The following HENMT1 variants were observed in gnomAD, a reference collection of about 807,000 sequenced individuals.
HENMT1 encodes the protein small RNA 2'-O-methyltransferase.
A neutral mutation model predicts 31.1 loss-of-function variants in HENMT1; 27 were observed. The observed-to-expected ratio is 0.87, with a 90% CI of 0.64 to 1.20. The LOEUF (loss-of-function observed/expected upper bound fraction) is 1.20. HENMT1 is among the 50% of genes most tolerant of loss of function. HENMT1 has a pLI of 0.00. For missense variants in HENMT1, 438 were observed against 469.6 expected, an observed-to-expected ratio of 0.93 and a Z score of 0.62; for synonymous variants, 167 against 172.2, an observed-to-expected ratio of 0.97 and a Z score of 0.24.
intron 1 of HENMT1, 63 bp downstream of exon 1, chr1:108,660,900 G>T (rs974883959): frequency 5.1e-4 from 416 of 811,638 alleles, no homozygotes; most frequent in Non-Finnish European, 5.9e-4. Context: ...CTCCAGCCTG[G>T]GCGACAGAGC....
chr1:108,658,143 T>TTC lies in HENMT1; in HGVS notation c.22-565_22-564insGA, dbSNP rs1553183834. 3.1e-3 allele frequency among the ~76,000 whole-genome samples: 458 copies of TTC among 148,122 alleles called. 4 individuals carry two copies. Among genetic ancestry groups the TTC allele is most frequent in the African/African-American group, 0.011 (438 of 40,018 alleles). On this transcript the variant is annotated intron_variant, in intron 2 of 7. Transcript: ENST00000651461. ...CATATATATATATATATTTTTTTTT[T>TTC]CCCCCCAAGACGGAGTCTTGCTCTG...
At position 108,648,562 on chromosome 1, in the gene HENMT1, T is replaced by C. The variant is rs1158602752; in HGVS notation, c.*4A>G. The C allele has an allele frequency of 1.9e-6, 3 of 1,606,626 alleles. No homozygotes were observed. On this transcript the variant is annotated 3_prime_UTR_variant, in exon 8 of 8. Coordinates refer to ENST00000651461, the MANE Select transcript of HENMT1 (RefSeq NM_001102592.2). The stretch of plus-strand genomic sequence containing the variant: ...ACCCTGAAATTTCAGGAAATAAACA[T>C]GGTTCAAAACTCAAACTGTTCATCA...
Position 108,654,766 on chromosome 1 carries a change from C to T in HENMT1, c.348G>A (p.Val116=), listed in dbSNP as rs752798812. ...LTITLYHGSV[V]ERDSRLLGFD... is the part of the protein sequence containing the mutation. Reference sequence around the variant, plus strand: ...ATCCAAGCAAACGAGAGTCTCTCTCCACAACGGAGCCATGATACAATGTGA... The same window carrying T: ...ATCCAAGCAAACGAGAGTCTCTCTCTACAACGGAGCCATGATACAATGTGA... The change falls in exon 5 of 8, where the codon GTG becomes GTA. Residue 116 remains valine, a synonymous_variant. Transcript: ENST00000651461. 6.2e-7 allele frequency: 1 copy of T among 1,614,086 alleles called. No homozygotes were observed. Among genetic ancestry groups the T allele is most frequent in the South Asian group, 1.1e-5 (1 of 91,082 alleles).
intron 2 of HENMT1, 88 bp downstream of exon 2, chr1:108,659,776 G>C (rs1254576358): frequency 2.4e-6 from 2 of 836,552 alleles, no homozygotes; most frequent in African/African-American, 3.5e-5. Context: ...GGACCTAAAT[G>C]TGATCAATTT....
chr1:108,654,321 GCCT>G (rs1658148139), intron 5 of HENMT1, among the ~76,000 whole-genome samples: 1 of 152,118 alleles, frequency 6.6e-6, no homozygotes, highest in Admixed American at 6.5e-5. Context: ...GTAGTGTGAG[GCCT>G]CCAACTTTTA....
chr1:108,655,501 A>G lies in HENMT1; in HGVS notation c.263+85T>C. The G allele has an allele frequency of 5.3e-6, 4 of 761,846 alleles. No individual in the cohort carries two copies. In the Admixed American group the frequency reaches 1.2e-4, roughly 24 times the overall value. 47.2% of individuals were successfully genotyped at this position (761,846 alleles called of 1,614,324 possible). ...CCTAATGGCCCCAATCTTTTAAAAC[A>G]AATATAAAATCAACACTTTCTCTAA... On this transcript the variant is annotated intron_variant, in intron 4 of 7. Coordinates refer to ENST00000651461, the MANE Select transcript of HENMT1 (RefSeq NM_001102592.2).
chr1:108,653,032 CTTTTT>C (rs796472509), intron 5 of HENMT1, among the ~76,000 whole-genome samples: 7 of 143,056 alleles, frequency 4.9e-5, no homozygotes, highest in Admixed American at 2.1e-4. Context: ...ATATACATCC[CTTTTT>C]TTTTTTTGAG....
chr1:108,651,648 G>A (rs1268549988), intron 5 of HENMT1, among the ~76,000 whole-genome samples: 1 of 144,180 alleles, frequency 6.9e-6, no homozygotes, highest in Admixed American at 7.3e-5. Flanking sequence ...AGTCAAGAAA[G>A]ATAGAAGAAA....
At chr1:108,652,383 T>C (rs1054812798) in intron 5 of HENMT1, among the ~76,000 whole-genome samples, 1 of 152,060 alleles carries the variant, frequency 6.6e-6, no homozygotes, top group African/African-American at 2.4e-5. Context: ...AGATAAAAAA[T>C]ACACGTAGAA....
At chr1:108,660,142 G>T (rs1658403660) in intron 1 of HENMT1, among the ~76,000 whole-genome samples, 180 bp from the exon 2 acceptor site, 1 of 125,260 alleles carries the variant, frequency 8.0e-6, no homozygotes, top group Non-Finnish European at 1.7e-5. Context: ...AAAAAAACAC[G>T]AAAGCAGGAC....
At chr1:108,653,163 A>G (rs1570633880) in intron 5 of HENMT1, among the ~76,000 whole-genome samples, 2 of 151,114 alleles carry the variant, frequency 1.3e-5, no homozygotes, top group East Asian at 4.0e-4. Context: ...ACAGGGGCCC[A>G]TTATCACGCC....
intron 4 of HENMT1, 74 bp downstream of exon 4, chr1:108,655,512 C>A (rs1220491100): frequency 7.3e-6 from 6 of 820,332 alleles, no homozygotes; most frequent in Non-Finnish European, 1.1e-5. Flanking sequence ...AATATAAAAT[C>A]AACACTTTCT....
At chr1:108,660,934 AAAG>A in intron 1 of HENMT1, 26 bp downstream of exon 1, 2 of 969,206 alleles carry the variant, frequency 2.1e-6, no homozygotes, top group African/African-American at 3.5e-5. Context: ...AAAAAAAAAA[AAAG>A]AAAAAGAAAA....
At chr1:108,652,646 C>T (rs923982221) in intron 5 of HENMT1, among the ~76,000 whole-genome samples, 2 of 152,072 alleles carry the variant, frequency 1.3e-5, no homozygotes, top group Non-Finnish European at 2.9e-5. Context: ...ATGCAATTCA[C>T]AAGAAAATTG....
intron 5 of HENMT1, among the ~76,000 whole-genome samples, chr1:108,653,333 T>A (rs1009090718): frequency 6.6e-6 from 1 of 152,300 alleles, no homozygotes; most frequent in Admixed American, 6.5e-5. Context: ...CACACTTTCT[T>A]TATCCATTCA....
Position 108,659,844 on chromosome 1 carries a change from G to A in HENMT1, c.21+20C>T, listed in dbSNP as rs183397823. The A allele has an allele frequency of 4.2e-4, 603 of 1,446,530 alleles. 2 individuals carry two copies. In the African/African-American group the frequency reaches 7.6e-3, roughly 18 times the overall value. 89.6% of individuals were successfully genotyped at this position (1,446,530 alleles called of 1,614,324 possible). ...ATAATTCTTAAGAGTCAAAGACGCA[G>A]CTAAGAAGGGTGGCATTACCTGTAG... On this transcript the variant is annotated intron_variant, in intron 2 of 7. Transcript: ENST00000651461.
In HENMT1 at chr1:108,648,823, C is replaced by A. The variant is rs1557737552; in HGVS notation, c.925G>T (p.Ala309Ser). The A allele has an allele frequency of 6.2e-7, 1 of 1,614,190 alleles. No individual in the cohort carries two copies. Residue 309 changes from alanine (A) to serine (S), a missense_variant, in exon 8 of 8, where the codon GCC becomes TCC. Transcript: ENST00000651461. ...DKPKDIGGSK[A>S]PVPCFGPVFT... ...ACTGGTCCAAAGCATGGGACAGGGG[C>A]CTTTGAGCCACCAATGTCTTTGGGC...
chr1:108,658,676 T>A (rs1235598974), intron 2 of HENMT1, among the ~76,000 whole-genome samples: 2 of 152,220 alleles, frequency 1.3e-5, no homozygotes, highest in African/African-American at 2.4e-5. Context: ...AGCCCAGTTT[T>A]AATAAGAATA....
At chr1:108,654,908 A>T (rs1658171781) in intron 4 of HENMT1, 58 bp from the exon 5 acceptor site, 4 of 1,547,468 alleles carry the variant, frequency 2.6e-6, no homozygotes, top group South Asian at 1.1e-5. Flanking sequence ...AATTCTCACC[A>T]GCTACAGAAC....
Sources: gnomAD v4.1 joint callset for allele counts (sites outside exome capture counted in the v4.1 genomes callset) on GRCh38, gnomAD v4.1.1 for gene constraint, MANE v1.5 for transcripts, NCBI Gene and HGNC (gene_info 2026-07-23, HGNC 2026-07-21) for gene names.